Variants in FRAS1 observed in about 807,000 individuals in gnomAD.
FRAS1 encodes Fraser extracellular matrix complex subunit 1.
FRAS1 carries 290 observed loss-of-function variants against 435.2 expected under a neutral mutation model. The observed-to-expected ratio is 0.67, with a 90% CI of 0.61 to 0.73. The LOEUF (loss-of-function observed/expected upper bound fraction) is 0.73. FRAS1 is among the 30% of genes least tolerant of loss of function. FRAS1 has a pLI of 0.00. For missense variants in FRAS1, 4,860 were observed against 5,001.5 expected (o/e 0.97, Z 0.85); for synonymous variants, 1,800 against 1,851.0 (o/e 0.97, Z 0.71).
chr4:78,103,627 AT>A (rs1322168983), intron 2 of FRAS1, among the ~76,000 whole-genome samples: 1 of 152,216 alleles, frequency 6.6e-6, no homozygotes, highest in Non-Finnish European at 1.5e-5. Context: ...ATGTGATTAG[AT>A]GACGAGGGAA....
chr4:78,233,700 A>G (rs1724608827), intron 2 of FRAS1, among the ~76,000 whole-genome samples: 2 of 152,210 alleles, frequency 1.3e-5, no homozygotes, highest in Non-Finnish European at 2.9e-5. Flanking sequence ...TATTTTACAG[A>G]TGAAGAAACT....
chr4:78,140,779 A>G (rs1225241804), intron 2 of FRAS1, among the ~76,000 whole-genome samples: 1 of 146,840 alleles, frequency 6.8e-6, no homozygotes, highest in Non-Finnish European at 1.5e-5. Flanking sequence ...ACGTGTGTGT[A>G]TATATATCTC....
At chr4:78,122,475 C>T (rs1719086716) in intron 2 of FRAS1, among the ~76,000 whole-genome samples, 1 of 152,002 alleles carries the variant, frequency 6.6e-6, no homozygotes, top group African/African-American at 2.4e-5. Flanking sequence ...GATTTGTAAT[C>T]CTTTGGGTAT....
At chr4:78,198,078 CAG>C (rs1352291781) in intron 2 of FRAS1, among the ~76,000 whole-genome samples, 1 of 152,178 alleles carries the variant, frequency 6.6e-6, no homozygotes, top group Middle Eastern at 3.2e-3. Context: ...AGGAGAGTGA[CAG>C]TTCCATGAGA....
At chr4:78,187,679 C>T (rs1722330737) in intron 2 of FRAS1, among the ~76,000 whole-genome samples, 1 of 152,130 alleles carries the variant, frequency 6.6e-6, no homozygotes. Flanking sequence ...TCTCAGCTCA[C>T]TGCAACCTCC....
intron 47 of FRAS1, among the ~76,000 whole-genome samples, chr4:78,459,848 T>A (rs1459440395): frequency 6.6e-6 from 1 of 152,210 alleles, no homozygotes; most frequent in Admixed American, 6.5e-5. Context: ...GTTCTCCCTG[T>A]TGGGATATGT....
Position 78,538,466 on chromosome 4 carries a change from T to C in FRAS1, c.11299-828T>C, listed in dbSNP as rs925081262. Among the ~76,000 whole-genome samples, 8 of 152,300 alleles carry C rather than the reference T, an allele frequency of 5.3e-5. No individual in the cohort carries two copies. The East Asian group carries it at 1.3e-3, about 26-fold the overall frequency. ...AAGGACAGTGGGTTCCCAGAGTTAG[T>C]GTATTAGTCTGTTCTCATGTTGCTA... On this transcript the variant is annotated intron_variant, in intron 72 of 73. Coordinates refer to ENST00000512123, the MANE Select transcript of FRAS1 (RefSeq NM_025074.7).
At chr4:78,431,372 G>T (rs1176981210) in intron 37 of FRAS1, among the ~76,000 whole-genome samples, 1 of 152,164 alleles carries the variant, frequency 6.6e-6, no homozygotes, top group African/African-American at 2.4e-5. Flanking sequence ...CTGTATATGT[G>T]CAGTTAACAT....
At position 78,282,898 on chromosome 4, in the gene FRAS1, TGCCC is replaced by T; in HGVS notation, c.1187_1190del (p.Cys396TyrfsTer10). On this transcript the variant is annotated frameshift_variant, in exon 12 of 74. Coordinates refer to ENST00000512123, the MANE Select transcript of FRAS1 (RefSeq NM_025074.7). LOFTEE classifies it high-confidence loss of function. ...TCAGGTAACTTGCTACGAGCCCTCTTGCCCACCATGTCCAGTGGGCACACTGGCC... is the reference window on the plus strand; with the variant it reads ...TCAGGTAACTTGCTACGAGCCCTCTTACCATGTCCAGTGGGCACACTGGCC... 6.2e-7 allele frequency: 1 copy of T among 1,612,504 alleles called. No homozygotes were observed. Among genetic ancestry groups the T allele is most frequent in the South Asian group, 1.1e-5 (1 of 90,812 alleles).
At chr4:78,399,869 C>G (rs1360640891) in intron 29 of FRAS1, among the ~76,000 whole-genome samples, 4 of 152,200 alleles carry the variant, frequency 2.6e-5, no homozygotes, top group Non-Finnish European at 4.4e-5. Context: ...TGGAGCCTGT[C>G]TTTCTAAAAC....
At chr4:78,144,545 CA>C (rs1340353969) in intron 2 of FRAS1, among the ~76,000 whole-genome samples, 9 of 150,682 alleles carry the variant, frequency 6.0e-5, no homozygotes, top group African/African-American at 2.2e-4. Flanking sequence ...TATTTGTTTA[CA>C]TTTTTTATTG....
At chr4:78,235,458 G>A (rs1724711160) in intron 2 of FRAS1, among the ~76,000 whole-genome samples, 1 of 152,176 alleles carries the variant, frequency 6.6e-6, no homozygotes, top group Non-Finnish European at 1.5e-5. Context: ...ATTTTAGTAG[G>A]ACTCCAACTA....
Position 78,140,693 on chromosome 4 carries a change from A to ATGTGTATATGCATATACGTG in FRAS1, c.108+74688_108+74707dup, listed in dbSNP as rs748581952. 7.3e-4 allele frequency among the ~76,000 whole-genome samples: 106 copies of ATGTGTATATGCATATACGTG among 144,912 alleles called. 1 individual carries two copies. Among genetic ancestry groups the ATGTGTATATGCATATACGTG allele is most frequent in the Middle Eastern group, 7.3e-3 (2 of 274 alleles). ...TGTGTATATGTATATGCATATACAT[A>ATGTGTATATGCATATACGTG]TGTGTATATGCATATACGTGTGTGT... On this transcript the variant is annotated intron_variant, in intron 2 of 73. Coordinates refer to ENST00000512123, the MANE Select transcript of FRAS1 (RefSeq NM_025074.7).
At chr4:78,305,797 G>A (rs1399605952) in intron 14 of FRAS1, among the ~76,000 whole-genome samples, 1 of 151,848 alleles carries the variant, frequency 6.6e-6, no homozygotes, top group East Asian at 1.9e-4. Flanking sequence ...GCACACTGAT[G>A]GGTCCTGACT....
chr4:78,126,939 A>C (rs1719393424), intron 2 of FRAS1, among the ~76,000 whole-genome samples: 1 of 152,224 alleles, frequency 6.6e-6, no homozygotes, highest in Non-Finnish European at 1.5e-5. Context: ...AGTCACTCAG[A>C]ATAAGCCCCA....
Position 78,284,422 on chromosome 4 carries a change from T to C in FRAS1, c.1273T>C (p.Cys425Arg). 1 of 1,613,848 alleles carries C rather than the reference T, an allele frequency of 6.2e-7. No homozygotes were observed. Among genetic ancestry groups the C allele is most frequent in the South Asian group, 1.1e-5 (1 of 91,062 alleles). ...GATTTCAGTTCATTGCCATCCAGATTGTTTGACATGCTCTCAGTCTCCAGA... is the reference window on the plus strand; with the variant it reads ...GATTTCAGTTCATTGCCATCCAGATCGTTTGACATGCTCTCAGTCTCCAGA... ...DCTSVHCHPDCLTCSQSPDHC... is the reference protein window; with the variant it reads ...DCTSVHCHPDRLTCSQSPDHC... Residue 425 changes from cysteine (C) to arginine (R), a missense_variant, in exon 13 of 74, where the codon TGT (cysteine) becomes CGT (arginine). Cys to Arg is a radical substitution (Grantham distance 180). Transcript: ENST00000512123.
At chr4:78,140,378 CT>C (rs755622378) in intron 2 of FRAS1, among the ~76,000 whole-genome samples, 2 of 152,042 alleles carry the variant, frequency 1.3e-5, no homozygotes, top group Non-Finnish European at 2.9e-5. Context: ...TGAAGTTGCA[CT>C]TTTATTTTAG....
intron 2 of FRAS1, among the ~76,000 whole-genome samples, chr4:78,077,423 A>G (rs1258717073): frequency 2.0e-5 from 3 of 152,172 alleles, no homozygotes; most frequent in African/African-American, 4.8e-5. Context: ...TGTTTTGTAG[A>G]TAAATTATTA....
At chr4:78,265,177 C>T (rs114142560) in intron 7 of FRAS1, 69 bp downstream of exon 7, 11,536 of 986,588 alleles carry the variant, frequency 0.012, 101 homozygotes, top group Middle Eastern at 0.052. Context: ...CCACCCACTC[C>T]AGCCACCATA....
Sources: gnomAD v4.1 joint callset for allele counts (sites outside exome capture counted in the v4.1 genomes callset) on GRCh38, gnomAD v4.1.1 for gene constraint, MANE v1.5 for transcripts, NCBI Gene and HGNC (gene_info 2026-07-23, HGNC 2026-07-21) for gene names.